Variants in DMTN observed in about 807,000 individuals in gnomAD.
The protein encoded by DMTN is dematin.
Under a neutral mutation model 59.4 loss-of-function variants are expected in DMTN, and 27 were observed. The observed-to-expected ratio is 0.45, with a 90% CI of 0.33 to 0.63. The LOEUF (loss-of-function observed/expected upper bound fraction) is 0.63, where lower values mean the gene tolerates loss of function less well. Among genes scored for constraint, DMTN ranks in the 20% least tolerant of loss-of-function variants. The pLI, the probability that DMTN is intolerant of heterozygous loss-of-function variation, is 0.02. For missense variants in DMTN, 451 were observed against 528.9 expected, an observed-to-expected ratio of 0.85 and a Z score of 1.45; for synonymous variants, 221 against 203.7, an observed-to-expected ratio of 1.08 and a Z score of -0.72.
intron 8 of DMTN, among the ~76,000 whole-genome samples, chr8:22,071,922 C>G (rs149021740): frequency 3.4e-3 from 516 of 152,194 alleles, no homozygotes; most frequent in Non-Finnish European, 5.6e-3. Context: ...AAGACAGGAT[C>G]TCACTCTGTT....
At chr8:22,078,470 T>G (rs2131466507) in intron 10 of DMTN, among the ~76,000 whole-genome samples, 1 of 143,034 alleles carries the variant, frequency 7.0e-6, no homozygotes, top group South Asian at 2.3e-4. Context: ...CTCATAGTTT[T>G]GAATCTATGG....
intron 7 of DMTN, 26 bp from the exon 8 acceptor site, chr8:22,070,156 T>C (rs1215207555): frequency 6.4e-7 from 1 of 1,564,502 alleles, no homozygotes; most frequent in Admixed American, 1.8e-5. Flanking sequence ...AGGGCACACC[T>C]GGCTGACCCT....
At chr8:22,071,246 A>G (rs1815225809) in intron 8 of DMTN, among the ~76,000 whole-genome samples, 6 of 151,926 alleles carry the variant, frequency 3.9e-5, no homozygotes, top group Admixed American at 3.9e-4. Context: ...ACAGGCATGC[A>G]CCACCACACC....
chr8:22,067,524 C>T lies in DMTN; in HGVS notation c.94-3C>T. 6.2e-7 allele frequency: 1 copy of T among 1,614,178 alleles called. No homozygotes were observed. Among genetic ancestry groups the T allele is most frequent in the Non-Finnish European group, 8.5e-7 (1 of 1,180,018 alleles). ...GCAGTTTCACGCGCACCTTTCCCTT[C>T]AGGCCAAGATGGACAATCAGGTGCT... is the stretch of plus-strand genomic sequence containing the variant. On this transcript the variant is annotated splice_polypyrimidine_tract_variant and splice_region_variant and intron_variant, in intron 3 of 15. Transcript: ENST00000358242.
At chr8:22,078,688 G>T (rs1821551443) in intron 10 of DMTN, among the ~76,000 whole-genome samples, 1 of 151,706 alleles carries the variant, frequency 6.6e-6, no homozygotes, top group Non-Finnish European at 1.5e-5. Context: ...TATTAAATGT[G>T]CAAGTTGAGA....
chr8:22,079,011 G>A (rs1419089840), intron 10 of DMTN, among the ~76,000 whole-genome samples: 1 of 151,246 alleles, frequency 6.6e-6, no homozygotes, highest in Admixed American at 6.6e-5. Context: ...TGTTAGCCAG[G>A]ATGGTCTTGA....
rs1043889877 is a variant in DMTN, at chr8:22,058,627, C to G, written c.-172+1491C>G. On this transcript the variant is annotated intron_variant, in intron 1 of 15. Coordinates refer to ENST00000358242, the MANE Select transcript of DMTN (RefSeq NM_001387751.1). The surrounding 1 kb of genome is among the most constrained non-coding windows in gnomAD (Gnocchi z 4.3). ...TTGTTATTGAGAGAACAAGGGAGGGCAGGCCTTGAGCAGGGGGACTCTGGG... is the reference window on the plus strand; with the variant it reads ...TTGTTATTGAGAGAACAAGGGAGGGGAGGCCTTGAGCAGGGGGACTCTGGG... Among the ~76,000 whole-genome samples, 1 of 152,188 alleles carries G rather than the reference C, an allele frequency of 6.6e-6. No individual in the cohort carries two copies. The highest frequency in any genetic ancestry group is 1.5e-5 in the Non-Finnish European group (1 of 68,026).
chr8:22,065,911 G>A (rs1810277100), intron 1 of DMTN, among the ~76,000 whole-genome samples: 1 of 147,046 alleles, frequency 6.8e-6, no homozygotes, highest in African/African-American at 2.5e-5. Context: ...TGCGATCTCG[G>A]CTCACTGCAG....
chr8:22,065,926 G>C (rs1394934001), intron 1 of DMTN, among the ~76,000 whole-genome samples: 3 of 141,372 alleles, frequency 2.1e-5, no homozygotes, highest in African/African-American at 8.0e-5. Context: ...CTGCAGCCTC[G>C]ATCTCCTGGG....
upstream of DMTN, among the ~76,000 whole-genome samples, chr8:22,050,705 C>T (rs945061761): frequency 6.6e-6 from 1 of 152,140 alleles, no homozygotes; most frequent in African/African-American, 2.4e-5. Context: ...AGGGAGTGCC[C>T]TCATCCCACC....
At chr8:22,059,369 C>T (rs1025488316) in intron 1 of DMTN, 2 of 152,276 alleles carry the variant, frequency 1.3e-5, no homozygotes, top group Non-Finnish European at 1.5e-5. Flanking sequence ...ACTGTCTGCA[C>T]CAGCCGGCCT....
At chr8:22,074,759 G>C (rs554524794) in intron 10 of DMTN, among the ~76,000 whole-genome samples, 2 of 152,310 alleles carry the variant, frequency 1.3e-5, no homozygotes, top group East Asian at 3.9e-4. Context: ...GTGAGACCAA[G>C]AGATGGGGAG....
intron 1 of DMTN, among the ~76,000 whole-genome samples, chr8:22,061,908 C>T (rs1243312497): frequency 6.7e-6 from 1 of 149,858 alleles, no homozygotes; most frequent in African/African-American, 2.5e-5. Flanking sequence ...TGTGCACCAC[C>T]ATGCCCGGAT....
At chr8:22,056,555 G>GGTGCGTGTGGGTGTGTTT (rs1802672158), upstream of DMTN, among the ~76,000 whole-genome samples, 1 of 151,826 alleles carries the variant, frequency 6.6e-6, no homozygotes, top group African/African-American at 2.4e-5. Context: ...AGGGGCTCTG[G>GGTGCGTGTGGGTGTGTTT]GTGCGTGTGG....
intron 9 of DMTN, among the ~76,000 whole-genome samples, chr8:22,072,995 T>G (rs1397081133): frequency 3.3e-5 from 5 of 152,170 alleles, no homozygotes; most frequent in African/African-American, 1.2e-4. Context: ...CCATCAGAGC[T>G]GGGAGCTAGC....
intron 1 of DMTN, among the ~76,000 whole-genome samples, chr8:22,062,675 C>A (rs1275180970): frequency 6.6e-6 from 1 of 151,914 alleles, no homozygotes; most frequent in Non-Finnish European, 1.5e-5. Flanking sequence ...CCCCCATCAC[C>A]CCCCCAATCC....
chr8:22,081,047 G>A (rs953478770), intron 14 of DMTN, 66 bp from the exon 15 acceptor site: 3 of 1,548,836 alleles, frequency 1.9e-6, no homozygotes, highest in East Asian at 4.5e-5. Flanking sequence ...GTTGATGTGG[G>A]AGGCCTAGGG....
intron 10 of DMTN, among the ~76,000 whole-genome samples, chr8:22,075,284 G>T (rs949593539): frequency 2.6e-5 from 4 of 151,026 alleles, no homozygotes; most frequent in Non-Finnish European, 5.9e-5. Context: ...AGACTCAAGG[G>T]GAGGGGAGCT....
upstream of DMTN, among the ~76,000 whole-genome samples, chr8:22,049,746 G>A (rs185955446): frequency 2.5e-3 from 382 of 152,138 alleles, 1 homozygote; most frequent in African/African-American, 8.9e-3. Context: ...CTCTTCTGAG[G>A]ATGTACCCCT....
Sources: gnomAD v4.1 joint callset for allele counts (sites outside exome capture counted in the v4.1 genomes callset) on GRCh38, gnomAD v4.1.1 for gene constraint, Gnocchi (gnomAD v3.1) non-coding constraint, MANE v1.5 for transcripts, NCBI Gene and HGNC (gene_info 2026-07-23, HGNC 2026-07-21) for gene names.